TAF1B: variants seen among roughly 807,000 people sequenced by gnomAD.
TAF1B encodes the protein TATA box-binding protein-associated factor RNA polymerase I subunit B.
TAF1B carries 61 observed loss-of-function variants against 83.9 expected under a neutral mutation model. The ratio of observed to expected loss-of-function variants is 0.73; its 90% CI spans 0.59 to 0.90. TAF1B has a LOEUF of 0.90. Ranked by LOEUF, TAF1B falls within the 40% of genes least tolerant of loss-of-function variation. The probability of loss-of-function intolerance (pLI) is 0.00; values close to 1 mark genes in which losing one functional copy is unlikely to be tolerated. For missense variants in TAF1B, 625 were observed against 677.0 expected (o/e 0.92, Z 0.85); for synonymous variants, 221 against 224.6 (o/e 0.98, Z 0.14).
At chr2:9,844,292 G>C (rs1040664121) in intron 1 of TAF1B, 7 of 152,116 alleles carry the variant, frequency 4.6e-5, no homozygotes, top group African/African-American at 1.7e-4. Context: ...TAGGGCTACA[G>C]ACATGCACCA....
At chr2:9,855,140 G>A (rs1395783235) in intron 5 of TAF1B, among the ~76,000 whole-genome samples, 5 of 152,018 alleles carry the variant, frequency 3.3e-5, no homozygotes, top group Non-Finnish European at 7.4e-5. Context: ...GATTACAGGC[G>A]CCCGCCACCA....
At chr2:9,845,190 G>T in intron 1 of TAF1B, 30 bp from the exon 2 acceptor site, 1 of 1,571,782 alleles carries the variant, frequency 6.4e-7, no homozygotes, top group Non-Finnish European at 8.8e-7. Flanking sequence ...GGCTTGATGG[G>T]AACACCTTTT....
At chr2:9,922,612 T>C (rs1665910148) in intron 14 of TAF1B, among the ~76,000 whole-genome samples, 1 of 152,062 alleles carries the variant, frequency 6.6e-6, no homozygotes, top group Admixed American at 6.5e-5. Flanking sequence ...TTCTTTGTAG[T>C]TTTCATCACT....
intron 6 of TAF1B, among the ~76,000 whole-genome samples, chr2:9,869,666 A>C (rs778897486): frequency 2.6e-5 from 4 of 151,534 alleles, no homozygotes; most frequent in Admixed American, 1.3e-4. Context: ...ACTTGAGGTC[A>C]GGAGTTTGAG....
At chr2:9,927,403 G>T (rs4668655) in intron 14 of TAF1B, among the ~76,000 whole-genome samples, 1 of 152,018 alleles carries the variant, frequency 6.6e-6, no homozygotes, top group Non-Finnish European at 1.5e-5. Flanking sequence ...GGATCACTGG[G>T]TCAAACTGTA....
chr2:9,875,783 G>A (rs1011754714), intron 6 of TAF1B, 82 bp from the exon 7 acceptor site: 17 of 1,412,664 alleles, frequency 1.2e-5, no homozygotes, highest in Non-Finnish European at 1.3e-5. Context: ...TATTTAAAAT[G>A]CCTGTTTAGA....
chr2:9,853,468 C>CT (rs1244360121), intron 4 of TAF1B, among the ~76,000 whole-genome samples: 43 of 146,640 alleles, frequency 2.9e-4, no homozygotes, highest in East Asian at 1.2e-3. Context: ...TTTCTGTTTG[C>CT]TTTTTTTTTT....
At chr2:9,915,358 A>G (rs1665650259) in intron 12 of TAF1B, among the ~76,000 whole-genome samples, 1 of 152,222 alleles carries the variant, frequency 6.6e-6, no homozygotes, top group African/African-American at 2.4e-5. Context: ...TTAAACGAAT[A>G]AGAAGCTACA....
chr2:9,904,812 G>C, intron 8 of TAF1B, 47 bp from the exon 9 acceptor site: 1 of 1,556,232 alleles, frequency 6.4e-7, no homozygotes, highest in South Asian at 1.2e-5. Context: ...TTAAAAATAA[G>C]TTTTGTTGCA....
At chr2:9,915,396 A>G (rs1558265479) in intron 12 of TAF1B, among the ~76,000 whole-genome samples, 1 of 152,214 alleles carries the variant, frequency 6.6e-6, no homozygotes, top group South Asian at 2.1e-4. Flanking sequence ...TGCAAATCAC[A>G]TATCCGTTTA....
chr2:9,886,209 CAA>C (rs200539806), intron 8 of TAF1B, among the ~76,000 whole-genome samples: 2 of 145,056 alleles, frequency 1.4e-5, no homozygotes. Context: ...CTGTTTGGAT[CAA>C]AAAAAAAAAG....
chr2:9,925,723 T>A (rs918890616), intron 14 of TAF1B, among the ~76,000 whole-genome samples: 20 of 151,776 alleles, frequency 1.3e-4, no homozygotes, highest in Admixed American at 7.2e-4. Context: ...ACTACAGACA[T>A]GCGCTACCAC....
At chr2:9,924,828 G>A (rs1405930278) in intron 14 of TAF1B, among the ~76,000 whole-genome samples, 1 of 152,200 alleles carries the variant, frequency 6.6e-6, no homozygotes, top group Non-Finnish European at 1.5e-5. Context: ...TCAGAGCTTG[G>A]GAACTAAGCA....
At chr2:9,906,267 T>C (rs1665340284) in intron 9 of TAF1B, among the ~76,000 whole-genome samples, 1 of 152,228 alleles carries the variant, frequency 6.6e-6, no homozygotes, top group African/African-American at 2.4e-5. Context: ...CTGGCTGTTA[T>C]CTATAGTTTA....
intron 4 of TAF1B, among the ~76,000 whole-genome samples, chr2:9,852,515 G>A (rs954740040): frequency 5.9e-5 from 9 of 151,506 alleles, no homozygotes; most frequent in Non-Finnish European, 1.3e-4. Flanking sequence ...TTTAAGAGAC[G>A]GAGTCTCGCT....
intron 8 of TAF1B, among the ~76,000 whole-genome samples, chr2:9,883,437 T>C (rs139987478): frequency 3.3e-3 from 501 of 152,318 alleles, no homozygotes; most frequent in African/African-American, 0.011. Context: ...ACCCTGACAT[T>C]GTTGGCGGTG....
Position 9,849,400 on chromosome 2 carries a change from C to G in TAF1B, c.145C>G (p.Leu49Val). ...ERYQEVTNTD[L>V]IPNTQIKALN... is the part of the protein sequence containing the mutation. ...ATATCAGGAAGTTACAAACACTGAT[C>G]TTATTCCTAATACCCAAATAAAAGC... Residue 49 changes from leucine (L) to valine (V), a missense_variant, in exon 3 of 15, where the codon CTT becomes GTT. By Grantham distance (32) the Leu-to-Val change is conservative (BLOSUM62 1). Coordinates refer to ENST00000263663, the MANE Select transcript of TAF1B (RefSeq NM_005680.3). The G allele has an allele frequency of 6.3e-7, 1 of 1,598,982 alleles. No individual in the cohort carries two copies. Among genetic ancestry groups the G allele is most frequent in the Non-Finnish European group, 8.5e-7 (1 of 1,173,604 alleles).
intron 8 of TAF1B, among the ~76,000 whole-genome samples, chr2:9,883,628 G>A (rs1455292605): frequency 1.3e-5 from 2 of 152,200 alleles, no homozygotes; most frequent in African/African-American, 2.4e-5. Context: ...AGCATTTCAT[G>A]TTATCTTTGA....
chr2:9,858,676 C>G lies in TAF1B; in HGVS notation c.399+4255C>G, dbSNP rs115879800. Among the ~76,000 whole-genome samples, 429 of 152,356 alleles carry G rather than the reference C, an allele frequency of 2.8e-3. 2 individuals are homozygous for G. Among genetic ancestry groups the G allele is most frequent in the African/African-American group, 9.6e-3 (398 of 41,588 alleles). On this transcript the variant is annotated intron_variant, in intron 5 of 14. Coordinates refer to ENST00000263663, the MANE Select transcript of TAF1B (RefSeq NM_005680.3). ...GAGGTTCCCAAACCTCAGCCCTTGT[C>G]TTCTATGCACCCACAGGCCCATCGC...
Sources: gnomAD v4.1 joint callset for allele counts (sites outside exome capture counted in the v4.1 genomes callset) on GRCh38, gnomAD v4.1.1 for gene constraint, MANE v1.5 for transcripts, NCBI Gene and HGNC (gene_info 2026-07-23, HGNC 2026-07-21) for gene names.